The following TMEM132D variants were observed in gnomAD, a reference collection of about 807,000 sequenced individuals.
The protein encoded by TMEM132D is mature OL transmembrane protein.
Under a neutral mutation model 62.3 loss-of-function variants are expected in TMEM132D, and 21 were observed. The observed-to-expected ratio is 0.34, with a 90% CI of 0.24 to 0.49. The LOEUF (loss-of-function observed/expected upper bound fraction) is 0.49, where lower values mean the gene tolerates loss of function less well. Among genes scored for constraint, TMEM132D ranks in the 20% least tolerant of loss-of-function variants. TMEM132D has a pLI of 0.99. For missense variants in TMEM132D, 1,346 were observed against 1,402.8 expected, an observed-to-expected ratio of 0.96 and a Z score of 0.65; for synonymous variants, 621 against 575.6, an observed-to-expected ratio of 1.08 and a Z score of -1.13.
At chr12:129,828,230 G>A (rs772863844) in intron 1 of TMEM132D, among the ~76,000 whole-genome samples, 10 of 152,040 alleles carry the variant, frequency 6.6e-5, no homozygotes, top group Non-Finnish European at 1.2e-4. Flanking sequence ...TCATCTCACC[G>A]AGCCAGAGAA....
chr12:129,426,601 C>T (rs79686300), intron 3 of TMEM132D, among the ~76,000 whole-genome samples: 522 of 152,308 alleles, frequency 3.4e-3, no homozygotes, highest in Non-Finnish European at 6.4e-3. Flanking sequence ...TCCATCATGT[C>T]TCAGATGGTT....
At chr12:129,282,319 G>T (rs1881179723) in intron 4 of TMEM132D, among the ~76,000 whole-genome samples, 1 of 152,164 alleles carries the variant, frequency 6.6e-6, no homozygotes, top group African/African-American at 2.4e-5. Flanking sequence ...GCAGAGCCCG[G>T]TTGCTGACAA....
At chr12:129,829,598 G>T (rs1872767854) in intron 1 of TMEM132D, among the ~76,000 whole-genome samples, 1 of 152,100 alleles carries the variant, frequency 6.6e-6, no homozygotes, top group Admixed American at 6.6e-5. Flanking sequence ...CAGACCTGGG[G>T]TAACAGCTGA....
At chr12:129,164,309 G>T (rs956889196) in intron 5 of TMEM132D, among the ~76,000 whole-genome samples, 6 of 152,118 alleles carry the variant, frequency 3.9e-5, no homozygotes, top group African/African-American at 1.4e-4. Flanking sequence ...CTCTCCATCG[G>T]CCTGGTATGA....
In TMEM132D at chr12:129,073,820, T is replaced by A; in HGVS notation, c.*55A>T. On this transcript the variant is annotated 3_prime_UTR_variant, in exon 9 of 9. Transcript: ENST00000422113. ...CTTCCGGGGGCACCGTTGCTACACA[T>A]CCTGGAATTAAAGGCTGAAAGGTGA... 1.4e-6 allele frequency: 2 copies of A among 1,440,830 alleles called. No individual in the cohort carries two copies. Among genetic ancestry groups the A allele is most frequent in the Admixed American group, 4.6e-5 (2 of 43,472 alleles). The allele number at this position is 1,440,830 out of a possible 1,614,324, so 89.3% of individuals were successfully genotyped here. A position where few individuals can be genotyped will look rare whatever the true frequency, so the allele number is the denominator to read the frequency against.
At chr12:129,613,474 G>A (rs1375613342) in intron 2 of TMEM132D, among the ~76,000 whole-genome samples, 1 of 152,136 alleles carries the variant, frequency 6.6e-6, no homozygotes, top group African/African-American at 2.4e-5. Context: ...ACTGGAGAAG[G>A]CACACCCATT....
chr12:129,142,176 A>G (rs1322834913), intron 5 of TMEM132D, among the ~76,000 whole-genome samples: 1 of 152,172 alleles, frequency 6.6e-6, no homozygotes, highest in African/African-American at 2.4e-5. Context: ...GTATCTATAA[A>G]GAAAATCCCG....
chr12:129,224,975 G>T lies in TMEM132D; in HGVS notation c.1300-15312C>A, dbSNP rs867794385. On this transcript the variant is annotated intron_variant, in intron 4 of 8. Coordinates refer to ENST00000422113, the MANE Select transcript of TMEM132D (RefSeq NM_133448.3). ...TGCATATTGTTTATATTTTATTAGA[G>T]ACATTATATAAAATAAATACGGAAA... is the stretch of plus-strand genomic sequence containing the variant. Among the ~76,000 whole-genome samples, 9 of 152,174 alleles carry T rather than the reference G, an allele frequency of 5.9e-5. No individual in the cohort carries two copies. The South Asian group carries it at 1.7e-3, about 28-fold the overall frequency.
chr12:129,122,086 C>T lies in TMEM132D; in HGVS notation c.1444-37384G>A, dbSNP rs373543684. Among the ~76,000 whole-genome samples the T allele has an allele frequency of 2.1e-4, 32 of 152,314 alleles. No homozygotes were observed. In the East Asian group the frequency reaches 4.8e-3, roughly 23 times the overall value. On this transcript the variant is annotated intron_variant, in intron 5 of 8. Transcript: ENST00000422113. ...CATGGCTTCCACCACTGCTGCAGAG[C>T]GATGCTGGGTGACCCGCCAGTGTGA...
chr12:129,623,678 T>C (rs1879133740), intron 2 of TMEM132D, among the ~76,000 whole-genome samples: 2 of 136,582 alleles, frequency 1.5e-5, no homozygotes, highest in Non-Finnish European at 3.0e-5. Flanking sequence ...TATATACACA[T>C]ATATATACAT....
chr12:129,170,789 C>A (rs1337540954), intron 5 of TMEM132D, among the ~76,000 whole-genome samples: 1 of 143,904 alleles, frequency 6.9e-6, no homozygotes, highest in Non-Finnish European at 1.5e-5. Context: ...GCCTGAGCGA[C>A]CCAGCGAGAC....
rs568617681 is a variant in TMEM132D, at chr12:129,539,893, C to T, written c.969-8688G>A. Among the ~76,000 whole-genome samples the T allele has an allele frequency of 1.3e-3, 195 of 152,220 alleles. 2 individuals carry two copies. The highest frequency in any genetic ancestry group is 4.5e-3 in the African/African-American group (186 of 41,532). ...TAGCCACCTGCCAACTCAGGGGAGC[C>T]CAGCGGGGAGAACGACCAAAGGCAC... On this transcript the variant is annotated intron_variant, in intron 2 of 8. Coordinates refer to ENST00000422113, the MANE Select transcript of TMEM132D (RefSeq NM_133448.3).
In TMEM132D at chr12:129,697,307, T is replaced by A. The variant is rs180899679; in HGVS notation, c.968+2503A>T. ...ACACCAATTCTAAATATTTGGAAGC[T>A]ATGCTAAATTAGTGTCAAATTGACT... On this transcript the variant is annotated intron_variant, in intron 2 of 8. Transcript: ENST00000422113. Among the ~76,000 whole-genome samples the A allele has an allele frequency of 1.2e-4, 19 of 152,326 alleles. No individual in the cohort carries two copies. In the East Asian group the frequency reaches 3.7e-3, roughly 29 times the overall value.
chr12:129,367,965 T>C (rs889846156), intron 3 of TMEM132D, among the ~76,000 whole-genome samples: 3 of 151,996 alleles, frequency 2.0e-5, no homozygotes, highest in Non-Finnish European at 2.9e-5. Flanking sequence ...TTTGTATTTT[T>C]AGTAGAGATG....
intron 2 of TMEM132D, among the ~76,000 whole-genome samples, chr12:129,609,097 C>T (rs1469523014): frequency 3.3e-5 from 5 of 151,986 alleles, no homozygotes; most frequent in South Asian, 2.1e-4. Flanking sequence ...CCCACCAACA[C>T]GCCCAGATAA....
At chr12:129,789,080 A>T (rs1342124073) in intron 1 of TMEM132D, among the ~76,000 whole-genome samples, 1 of 152,150 alleles carries the variant, frequency 6.6e-6, no homozygotes, top group Non-Finnish European at 1.5e-5. Context: ...TTTTTATTTC[A>T]ATAGTTTTCA....
chr12:129,484,029 G>A (rs1874508376), intron 3 of TMEM132D, among the ~76,000 whole-genome samples: 1 of 152,050 alleles, frequency 6.6e-6, no homozygotes, highest in African/African-American at 2.4e-5. Context: ...GAGTGCCATG[G>A]CGTGATTTCA....
chr12:129,097,262 C>G (rs776962074), intron 5 of TMEM132D, among the ~76,000 whole-genome samples: 3 of 152,244 alleles, frequency 2.0e-5, no homozygotes, highest in Non-Finnish European at 4.4e-5. Flanking sequence ...TGCTAAAGAA[C>G]CCCTGGGCGG....
chr12:129,391,157 C>T (rs1301763727), intron 3 of TMEM132D, among the ~76,000 whole-genome samples: 1 of 152,132 alleles, frequency 6.6e-6, no homozygotes, highest in African/African-American at 2.4e-5. Flanking sequence ...CATTGTTTTC[C>T]TTAAGTGAGC....
Sources: allele counts gnomAD v4.1 joint callset (sites outside exome capture counted in the v4.1 genomes callset), GRCh38; gene constraint gnomAD v4.1.1; transcripts MANE v1.5; gene names NCBI Gene and HGNC (gene_info 2026-07-23, HGNC 2026-07-21).